The following ELAVL2 variants were observed in gnomAD, a reference collection of about 807,000 sequenced individuals.
ELAVL2 encodes ELAV like RNA binding protein 2, also known as ELAV-like protein 2.
In ELAVL2, 4 loss-of-function variants were observed where a neutral mutation model predicts 34.6. That is an observed-to-expected ratio of 0.12 (90% CI 0.06 to 0.26). The LOEUF (loss-of-function observed/expected upper bound fraction) is 0.26. ELAVL2 is among the 10% of genes least tolerant of loss of function. The probability of loss-of-function intolerance (pLI) is 1.00; values close to 1 mark genes in which losing one functional copy is unlikely to be tolerated. For missense variants in ELAVL2, 432 were observed against 442.8 expected (o/e 0.98, Z 0.22); for synonymous variants, 193 against 154.8 (o/e 1.25, Z -1.83).
rs1056494665 is a variant in ELAVL2 at position 23,745,504 on chromosome 9, G to A, written c.230-14379C>T. Among the ~76,000 whole-genome samples the A allele has an allele frequency of 3.3e-5, 5 of 151,762 alleles. No individual in the cohort carries two copies. In the South Asian group the frequency reaches 1.0e-3, roughly 32 times the overall value. ...CACAAAATTGACTAGATTCTTTTTT[G>A]AACAATTACATTTACAATTCACCAT... On this transcript the variant is annotated intron_variant, in intron 2 of 6. Transcript: ENST00000397312.
At chr9:23,788,524 T>C (rs896030890) in intron 1 of ELAVL2, among the ~76,000 whole-genome samples, 1 of 152,164 alleles carries the variant, frequency 6.6e-6, no homozygotes, top group Non-Finnish European at 1.5e-5. Context: ...CAGTAAGACA[T>C]TAACAATAAC....
chr9:23,838,348 G>A, the ELAVL2 span, among the ~76,000 whole-genome samples: 2 of 152,124 alleles, frequency 1.3e-5, no homozygotes, highest in East Asian at 1.9e-4. Context: ...TAGCCACCAG[G>A]TGGGAACAGG....
At chr9:23,787,397 A>C (rs2059824658) in intron 1 of ELAVL2, among the ~76,000 whole-genome samples, 2 of 151,460 alleles carry the variant, frequency 1.3e-5, no homozygotes, top group Non-Finnish European at 2.9e-5. Flanking sequence ...ATGCCCAGCT[A>C]ATTTTTCTAT....
At chr9:23,771,370 C>G (rs1038818227) in intron 1 of ELAVL2, among the ~76,000 whole-genome samples, 1 of 151,446 alleles carries the variant, frequency 6.6e-6, no homozygotes, top group African/African-American at 2.4e-5. Context: ...GATGAATAAG[C>G]AAAGGAAGAG....
chr9:23,781,815 T>G (rs1265797623), intron 1 of ELAVL2, among the ~76,000 whole-genome samples: 1 of 152,096 alleles, frequency 6.6e-6, no homozygotes, highest in Non-Finnish European at 1.5e-5. Context: ...TGCCTCAGCC[T>G]CCTGAGTAGC....
chr9:23,781,385 C>A (rs2059035321), intron 1 of ELAVL2, among the ~76,000 whole-genome samples: 1 of 152,166 alleles, frequency 6.6e-6, no homozygotes, highest in Admixed American at 6.5e-5. Flanking sequence ...TTTCTTCTTT[C>A]CCTCAAAAGG....
chr9:23,839,176 C>A, the ELAVL2 span, among the ~76,000 whole-genome samples: 1 of 151,868 alleles, frequency 6.6e-6, no homozygotes, highest in East Asian at 1.9e-4. Flanking sequence ...ACCAAAATAA[C>A]AGAAACTTAT....
intron 2 of ELAVL2, among the ~76,000 whole-genome samples, chr9:23,755,527 T>G (rs895305935): frequency 6.6e-6 from 1 of 152,158 alleles, no homozygotes; most frequent in Non-Finnish European, 1.5e-5. Context: ...GATACATCAA[T>G]GAAGATATAA....
chr9:23,842,507 G>T, the ELAVL2 span, among the ~76,000 whole-genome samples: 1 of 152,170 alleles, frequency 6.6e-6, no homozygotes, highest in South Asian at 2.1e-4. Context: ...AAGCACCCTT[G>T]ATACTGGCCA....
At chr9:23,804,466 T>C (rs911169599) in intron 1 of ELAVL2, among the ~76,000 whole-genome samples, 1 of 152,174 alleles carries the variant, frequency 6.6e-6, no homozygotes, top group African/African-American at 2.4e-5. Flanking sequence ...GATCAGCACA[T>C]ACTCTTTATT....
At chr9:23,813,064 T>C (rs1178640018) in intron 1 of ELAVL2, among the ~76,000 whole-genome samples, 2 of 152,236 alleles carry the variant, frequency 1.3e-5, no homozygotes, top group African/African-American at 2.4e-5. Flanking sequence ...TGACATTTTC[T>C]ACCTACTTAG....
chr9:23,800,002 T>C (rs1002811137), intron 1 of ELAVL2, among the ~76,000 whole-genome samples: 1 of 152,250 alleles, frequency 6.6e-6, no homozygotes, highest in Non-Finnish European at 1.5e-5. Context: ...CTATGCAAGA[T>C]TTGAAGAGTA....
At position 23,797,782 on chromosome 9, in the gene ELAVL2, G is replaced by A. The variant is rs150664811; in HGVS notation, c.-16+28024C>T. On this transcript the variant is annotated intron_variant, in intron 1 of 6. Transcript: ENST00000397312. ...CGCCTCTGCTAAAAATACAAAATTA[G>A]GTGGGCGTGGTGGCGCATGCCTGTA... Among the ~76,000 whole-genome samples, 29 of 152,196 alleles carry A rather than the reference G, an allele frequency of 1.9e-4. 1 individual carries two copies. Among genetic ancestry groups the A allele is most frequent in the African/African-American group, 7.0e-4 (29 of 41,514 alleles).
At chr9:23,797,536 A>T (rs2061082382) in intron 1 of ELAVL2, among the ~76,000 whole-genome samples, 1 of 152,222 alleles carries the variant, frequency 6.6e-6, no homozygotes, top group Non-Finnish European at 1.5e-5. Context: ...GGTGGTAGAT[A>T]ATGACAGAAA....
In ELAVL2 at chr9:23,759,837, T is replaced by A. The variant is rs1276801211; in HGVS notation, c.229+2169A>T. 5.5e-5 allele frequency among the ~76,000 whole-genome samples: 8 copies of A among 145,430 alleles called. No individual in the cohort carries two copies. The East Asian group carries it at 1.7e-3, about 30-fold the overall frequency. On this transcript the variant is annotated intron_variant, in intron 2 of 6. Coordinates refer to ENST00000397312, the MANE Select transcript of ELAVL2 (RefSeq NM_004432.5). ...CTTTAGAAACATCTTTCAATACTCA[T>A]GACCATTGTGGAATTTCTTGGGGAC...
At chr9:23,815,420 G>C (rs933372141) in intron 1 of ELAVL2, among the ~76,000 whole-genome samples, 1 of 151,930 alleles carries the variant, frequency 6.6e-6, no homozygotes, top group Non-Finnish European at 1.5e-5. Context: ...CTGCAGTCTG[G>C]GATTTTTCTT....
intron 2 of ELAVL2, among the ~76,000 whole-genome samples, chr9:23,736,283 A>T (rs1423202775): frequency 1.3e-5 from 2 of 152,218 alleles, no homozygotes; most frequent in African/African-American, 4.8e-5. Flanking sequence ...GTATTTAAAA[A>T]AAACAAGAGT....
At chr9:23,786,781 C>CAA (rs57292061) in intron 1 of ELAVL2, among the ~76,000 whole-genome samples, 68 of 107,824 alleles carry the variant, frequency 6.3e-4, no homozygotes, top group Non-Finnish European at 1.1e-3. Context: ...ATTTTAGTGG[C>CAA]AAAAAAAAAA....
At chr9:23,819,975 A>T (rs1311446915) in intron 1 of ELAVL2, among the ~76,000 whole-genome samples, 4 of 152,120 alleles carry the variant, frequency 2.6e-5, no homozygotes, top group Non-Finnish European at 4.4e-5. Context: ...GGCCCCTACC[A>T]CAAATGCAGT....
Sources: allele counts gnomAD v4.1 joint callset (sites outside exome capture counted in the v4.1 genomes callset), GRCh38; gene constraint gnomAD v4.1.1; transcripts MANE v1.5; gene names NCBI Gene and HGNC (gene_info 2026-07-23, HGNC 2026-07-21).